The following RIMS1 variants were observed in gnomAD, a reference collection of about 807,000 sequenced individuals.
RIMS1 encodes the protein regulating synaptic membrane exocytosis 1, also known as regulating synaptic membrane exocytosis protein 1.
Under a neutral mutation model 214.1 loss-of-function variants are expected in RIMS1, and 83 were observed. That is an observed-to-expected ratio of 0.39 (90% CI 0.32 to 0.47). RIMS1 has a LOEUF of 0.47. RIMS1 is among the 20% of genes least tolerant of loss of function. The pLI is 0.99. For synonymous variants in RIMS1, 793 were observed against 786.8 expected (o/e 1.01, Z -0.13); for missense variants, 2,050 against 2,161.8 (o/e 0.95, Z 1.03).
chr6:72,340,040 G>T (rs146460498), intron 29 of RIMS1, among the ~76,000 whole-genome samples: 1 of 151,980 alleles, frequency 6.6e-6, no homozygotes, highest in African/African-American at 2.4e-5. Flanking sequence ...GGCCAGTGAT[G>T]ATGAGCATTT....
At chr6:72,331,961 A>C (rs1462333715) in intron 28 of RIMS1, among the ~76,000 whole-genome samples, 1 of 151,768 alleles carries the variant, frequency 6.6e-6, no homozygotes, top group Non-Finnish European at 1.5e-5. Flanking sequence ...GAAGGATCCT[A>C]AGGACCAGTC....
chr6:72,293,648 A>G (rs1359841192), intron 26 of RIMS1, among the ~76,000 whole-genome samples: 1 of 152,020 alleles, frequency 6.6e-6, no homozygotes, highest in African/African-American at 2.4e-5. Context: ...GTTCAAAAGC[A>G]TATAAGGGTA....
intron 27 of RIMS1, among the ~76,000 whole-genome samples, chr6:72,309,021 T>C (rs1321711496): frequency 6.6e-6 from 1 of 152,176 alleles, no homozygotes; most frequent in Admixed American, 6.5e-5. Context: ...GAAATGCTCC[T>C]TTTAAGCTGG....
intron 23 of RIMS1, among the ~76,000 whole-genome samples, chr6:72,275,140 A>G (rs1477245572): frequency 0.023 from 105 of 4,586 alleles, 7 homozygotes; most frequent in African/African-American, 0.085. Context: ...ATATATATAT[A>G]TATATATATA....
chr6:72,266,652 A>G (rs1344750135), intron 22 of RIMS1, among the ~76,000 whole-genome samples: 1 of 152,152 alleles, frequency 6.6e-6, no homozygotes, highest in African/African-American at 2.4e-5. Context: ...ATGTACACAG[A>G]CAATTTTGCT....
intron 2 of RIMS1, among the ~76,000 whole-genome samples, chr6:71,992,402 CTCTCTTTCTTTCTTTCTT>C (rs1188399029): frequency 6.8e-4 from 98 of 144,118 alleles, no homozygotes; most frequent in East Asian, 3.4e-3. Context: ...CTTTCTCTCT[CTCTCTTTCTTTCTTTCTT>C]TCTTTCTTTC....
At chr6:72,124,353 A>G (rs1315443279) in intron 4 of RIMS1, among the ~76,000 whole-genome samples, 2 of 151,796 alleles carry the variant, frequency 1.3e-5, no homozygotes, top group African/African-American at 4.8e-5. Flanking sequence ...CTGTTAGTCT[A>G]ATGGGCTTCC....
rs369287285 is a variant in RIMS1 at position 72,272,484 on chromosome 6, C to CT, written c.3399-1864dup. On this transcript the variant is annotated intron_variant, in intron 22 of 33. Transcript: ENST00000521978. ...ACATATCAGCATATTCAGAAGGACT[C>CT]TAAGTGTACAAATATACGTGTATTA... Among the ~76,000 whole-genome samples the CT allele has an allele frequency of 1.0e-3, 152 of 152,242 alleles. 1 individual carries two copies. Among genetic ancestry groups the CT allele is most frequent in the African/African-American group, 1.4e-3 (60 of 41,568 alleles).
chr6:71,910,776 A>G lies in RIMS1; in HGVS notation c.164+23589A>G, dbSNP rs72653123. On this transcript the variant is annotated intron_variant, in intron 1 of 33. Transcript: ENST00000521978. ...AAGTGAGTTTGAATATTCCAAGGAAAGCATGTAAAAGGTGCCCTCTGATAA... is the reference window on the plus strand; with the variant it reads ...AAGTGAGTTTGAATATTCCAAGGAAGGCATGTAAAAGGTGCCCTCTGATAA... Among the ~76,000 whole-genome samples the G allele has an allele frequency of 0.011, 1,656 of 152,274 alleles. 156 individuals carry two copies. The East Asian group carries it at 0.22, about 20-fold the overall frequency.
chr6:72,271,073 C>T (rs2082818234), intron 22 of RIMS1, among the ~76,000 whole-genome samples: 1 of 151,880 alleles, frequency 6.6e-6, no homozygotes, highest in African/African-American at 2.4e-5. Flanking sequence ...TGAGACCAGC[C>T]TGACCAACAT....
chr6:72,189,214 G>T (rs540769322), intron 6 of RIMS1, among the ~76,000 whole-genome samples: 1 of 152,280 alleles, frequency 6.6e-6, no homozygotes, highest in East Asian at 1.9e-4. Context: ...CAGCCCTCTG[G>T]AGAACTTTGC....
intron 23 of RIMS1, among the ~76,000 whole-genome samples, chr6:72,280,639 G>A (rs2089633567): frequency 3.3e-5 from 5 of 151,876 alleles, no homozygotes; most frequent in Non-Finnish European, 7.4e-5. Flanking sequence ...AAATTTCATT[G>A]CTATTTGAAG....
intron 28 of RIMS1, among the ~76,000 whole-genome samples, chr6:72,321,017 A>T (rs1429371701): frequency 6.6e-6 from 1 of 152,092 alleles, no homozygotes; most frequent in East Asian, 1.9e-4. Flanking sequence ...TAAAGCATAG[A>T]CATGATAACC....
At chr6:72,111,574 TC>T (rs994444375) in intron 4 of RIMS1, among the ~76,000 whole-genome samples, 5 of 152,184 alleles carry the variant, frequency 3.3e-5, no homozygotes, top group African/African-American at 1.2e-4. Flanking sequence ...TTCCACTTTT[TC>T]AAGTTTTCAT....
rs147627802 is a variant in RIMS1 at position 72,210,375 on chromosome 6, G to A, written c.1679-23398G>A. Among the ~76,000 whole-genome samples the A allele has an allele frequency of 9.9e-4, 150 of 152,238 alleles. 2 individuals carry two copies. Among genetic ancestry groups the A allele is most frequent in the African/African-American group, 3.4e-3 (141 of 41,534 alleles). ...GCAGGACTTCTGACCACCTTTTCTGGTAACGTGCCTTGTTATTTTTCTAGA... is the reference window on the plus strand; with the variant it reads ...GCAGGACTTCTGACCACCTTTTCTGATAACGTGCCTTGTTATTTTTCTAGA... On this transcript the variant is annotated intron_variant, in intron 6 of 33. Transcript: ENST00000521978.
chr6:71,898,294 T>A (rs533473269), intron 1 of RIMS1, among the ~76,000 whole-genome samples: 1 of 152,284 alleles, frequency 6.6e-6, no homozygotes, highest in East Asian at 1.9e-4. Context: ...TAGAATTAGA[T>A]CAGTAGTGTA....
Position 72,161,809 on chromosome 6 carries a change from T to C in RIMS1, c.472-17766T>C, listed in dbSNP as rs1468935316. 1.4e-5 allele frequency among the ~76,000 whole-genome samples: 2 copies of C among 140,262 alleles called. 1 individual carries two copies. 92.0% of individuals were successfully genotyped at this position (140,262 alleles called of 152,430 possible). ...TGCTGAGGAGAGCTTTACTTCCAAC[T>C]ATGTGGTCAACTTTGGAATAAGTGT... On this transcript the variant is annotated intron_variant, in intron 4 of 33. Transcript: ENST00000521978.
At chr6:72,304,943 G>A (rs942451621) in intron 26 of RIMS1, among the ~76,000 whole-genome samples, 13 of 150,710 alleles carry the variant, frequency 8.6e-5, no homozygotes, top group African/African-American at 3.1e-4. Context: ...GAATCATAAT[G>A]TTAATTTGGA....
intron 2 of RIMS1, among the ~76,000 whole-genome samples, chr6:72,056,603 T>C (rs1202017245): frequency 6.6e-6 from 1 of 152,180 alleles, no homozygotes; most frequent in African/African-American, 2.4e-5. Flanking sequence ...ATGACTCTCT[T>C]GCCTAAAAGC....
Sources: allele counts gnomAD v4.1 joint callset (sites outside exome capture counted in the v4.1 genomes callset), GRCh38; gene constraint gnomAD v4.1.1; transcripts MANE v1.5; gene names NCBI Gene and HGNC (gene_info 2026-07-23, HGNC 2026-07-21).